ZNF804B: variants seen among roughly 807,000 people sequenced by gnomAD.
ZNF804B encodes the protein zinc finger protein 804B, also known as zinc finger 804B.
ZNF804B carries 80 observed loss-of-function variants against 101.4 expected under a neutral mutation model. That is an observed-to-expected ratio of 0.79 (90% CI 0.66 to 0.95). ZNF804B has a LOEUF of 0.95. Among genes scored for constraint, ZNF804B ranks in the 40% least tolerant of loss-of-function variants. The probability of loss-of-function intolerance (pLI) is 0.00; values close to 1 mark genes in which losing one functional copy is unlikely to be tolerated. For synonymous variants in ZNF804B, 622 were observed against 558.8 expected, an observed-to-expected ratio of 1.11 and a Z score of -1.59; for missense variants, 1,673 against 1,561.9, an observed-to-expected ratio of 1.07 and a Z score of -1.20.
intron 2 of ZNF804B, among the ~76,000 whole-genome samples, chr7:89,285,346 C>A (rs1790168176): frequency 6.6e-6 from 1 of 150,790 alleles, no homozygotes; most frequent in Admixed American, 6.6e-5. Flanking sequence ...CACGATGAAA[C>A]CCCGTCTCTA....
At chr7:88,768,825 G>A (rs1329585142) in intron 1 of ZNF804B, among the ~76,000 whole-genome samples, 1 of 152,186 alleles carries the variant, frequency 6.6e-6, no homozygotes, top group East Asian at 1.9e-4. Context: ...TCTGGCCACT[G>A]ATAGAGGGAC....
At chr7:89,285,086 G>A (rs776845170) in intron 2 of ZNF804B, among the ~76,000 whole-genome samples, 1 of 151,876 alleles carries the variant, frequency 6.6e-6, no homozygotes, top group Non-Finnish European at 1.5e-5. Context: ...AGGCATGGTG[G>A]TGCACTCCTA....
chr7:88,807,474 T>A (rs894591756), intron 1 of ZNF804B, among the ~76,000 whole-genome samples: 1 of 152,226 alleles, frequency 6.6e-6, no homozygotes, highest in Non-Finnish European at 1.5e-5. Flanking sequence ...AAAAGAATGA[T>A]CGCTCTGAAT....
At chr7:89,265,688 C>A (rs1789781927) in intron 2 of ZNF804B, among the ~76,000 whole-genome samples, 1 of 152,124 alleles carries the variant, frequency 6.6e-6, no homozygotes, top group Non-Finnish European at 1.5e-5. Flanking sequence ...AAAACAATAA[C>A]AATTATTCAA....
intron 1 of ZNF804B, among the ~76,000 whole-genome samples, chr7:89,089,969 A>AT (rs200292636): frequency 0.01 from 1,582 of 152,198 alleles, 28 homozygotes; most frequent in African/African-American, 0.036. Flanking sequence ...ATAGCCTAAG[A>AT]TTTTTTCTCA....
At chr7:88,870,462 T>C (rs994383368) in intron 1 of ZNF804B, among the ~76,000 whole-genome samples, 1 of 149,170 alleles carries the variant, frequency 6.7e-6, no homozygotes, top group African/African-American at 2.5e-5. Flanking sequence ...AATTCCAAGA[T>C]CAGGAAACTG....
intron 1 of ZNF804B, among the ~76,000 whole-genome samples, chr7:88,892,426 A>G (rs1255260451): frequency 1.3e-5 from 2 of 152,058 alleles, no homozygotes; most frequent in Non-Finnish European, 2.9e-5. Flanking sequence ...AGCTTTATAA[A>G]CAAGTTTTTT....
At chr7:89,085,338 T>C (rs1789781595) in intron 1 of ZNF804B, among the ~76,000 whole-genome samples, 1 of 152,004 alleles carries the variant, frequency 6.6e-6, no homozygotes, top group Non-Finnish European at 1.5e-5. Flanking sequence ...ATTTGTTGTT[T>C]CTCTTGGATC....
At chr7:88,762,043 A>T (rs1789905715) in intron 1 of ZNF804B, among the ~76,000 whole-genome samples, 1 of 151,884 alleles carries the variant, frequency 6.6e-6, no homozygotes, top group Non-Finnish European at 1.5e-5. Flanking sequence ...ATTTTTATTC[A>T]CTGCTGGGCT....
In ZNF804B at chr7:88,845,288, C is replaced by T. The variant is rs555098887; in HGVS notation, c.108+85204C>T. The stretch of plus-strand genomic sequence containing the variant: ...ATATGCGCATGTGTGCGCACGCGCG[C>T]GCGCACGCGCGCGCACACACACACA... On this transcript the variant is annotated intron_variant, in intron 1 of 3. Transcript: ENST00000333190. 2.2e-3 allele frequency among the ~76,000 whole-genome samples: 263 copies of T among 117,828 alleles called. 2 individuals are homozygous for T. The highest frequency in any genetic ancestry group is 8.5e-3 in the African/African-American group (230 of 27,054). The allele number at this position is 117,828 out of a possible 152,430, so 77.3% of individuals were successfully genotyped here.
chr7:88,965,411 A>T (rs2116098857), intron 1 of ZNF804B, among the ~76,000 whole-genome samples: 1 of 151,608 alleles, frequency 6.6e-6, no homozygotes, highest in South Asian at 2.1e-4. Flanking sequence ...GAGTGGATAT[A>T]GGGCTAGGAG....
In ZNF804B at chr7:89,284,769, G is replaced by A. The variant is rs796641722; in HGVS notation, c.250-42575G>A. Among the ~76,000 whole-genome samples the A allele has an allele frequency of 1.9e-4, 29 of 152,118 alleles. 1 individual carries two copies. The highest frequency in any genetic ancestry group is 6.7e-4 in the African/African-American group (28 of 41,504). On this transcript the variant is annotated intron_variant, in intron 2 of 3. Coordinates refer to ENST00000333190, the MANE Select transcript of ZNF804B (RefSeq NM_181646.5). ...GCAAAAGTAAGGTGAAAGATCTAAA[G>A]CTAGCTAATTTAATGCTAACAAAGG...
chr7:89,295,682 G>A (rs746720790), intron 2 of ZNF804B, among the ~76,000 whole-genome samples: 7 of 151,884 alleles, frequency 4.6e-5, no homozygotes, highest in Non-Finnish European at 8.8e-5. Flanking sequence ...AATTTGAATC[G>A]ATCTCAAGGT....
At position 89,202,884 on chromosome 7, in the gene ZNF804B, C is replaced by G. The variant is rs562356645; in HGVS notation, c.109-15271C>G. On this transcript the variant is annotated intron_variant, in intron 1 of 3. Coordinates refer to ENST00000333190, the MANE Select transcript of ZNF804B (RefSeq NM_181646.5). ...GTGATTATTCTAACTTTCTATTTTA[C>G]TTTTTTACAATGGGCCCACAACTTC... 2.0e-5 allele frequency among the ~76,000 whole-genome samples: 3 copies of G among 152,164 alleles called. No individual in the cohort carries two copies. The East Asian group carries it at 5.8e-4, about 29-fold the overall frequency.
At chr7:89,265,302 G>A (rs1460381788) in intron 2 of ZNF804B, among the ~76,000 whole-genome samples, 24 of 84,310 alleles carry the variant, frequency 2.8e-4, no homozygotes, top group Admixed American at 5.0e-4. Context: ...GTGCGCGTGC[G>A]CGCGCGCACA....
intron 2 of ZNF804B, among the ~76,000 whole-genome samples, chr7:89,261,414 A>G (rs1356704921): frequency 6.6e-6 from 1 of 152,002 alleles, no homozygotes; most frequent in Non-Finnish European, 1.5e-5. Context: ...GTTTTTTCAA[A>G]TTGTCCAAAG....
chr7:89,162,493 A>C (rs113934508), intron 1 of ZNF804B, among the ~76,000 whole-genome samples: 1 of 151,984 alleles, frequency 6.6e-6, no homozygotes, highest in Non-Finnish European at 1.5e-5. Flanking sequence ...AAAATTCCCA[A>C]TTGTTTGGGA....
At chr7:88,909,082 A>G (rs1032639524) in intron 1 of ZNF804B, among the ~76,000 whole-genome samples, 5 of 151,798 alleles carry the variant, frequency 3.3e-5, no homozygotes, top group African/African-American at 1.2e-4. Flanking sequence ...TTACTATTCA[A>G]CCTAATTGAT....
intron 1 of ZNF804B, among the ~76,000 whole-genome samples, chr7:88,833,682 G>A (rs538632515): frequency 6.6e-6 from 1 of 151,878 alleles, no homozygotes; most frequent in Non-Finnish European, 1.5e-5. Flanking sequence ...TTAATGGAGA[G>A]CCTTAAGTCT....
Sources: gnomAD v4.1 joint callset for allele counts (sites outside exome capture counted in the v4.1 genomes callset) on GRCh38, gnomAD v4.1.1 for gene constraint, MANE v1.5 for transcripts, NCBI Gene and HGNC (gene_info 2026-07-23, HGNC 2026-07-21) for gene names.